The following NRDC variants were observed in gnomAD, a reference collection of about 807,000 sequenced individuals.
NRDC encodes nardilysin convertase.
Under a neutral mutation model 147.1 loss-of-function variants are expected in NRDC, and 54 were observed. The observed-to-expected ratio is 0.37, with a 90% confidence interval of 0.29 to 0.46. The LOEUF is 0.46. Among genes scored for constraint, NRDC ranks in the 20% least tolerant of loss-of-function variants. NRDC has a pLI of 1.00. For missense variants in NRDC, 1,082 were observed against 1,370.6 expected, an observed-to-expected ratio of 0.79 and a Z score of 3.33; for synonymous variants, 440 against 482.1, an observed-to-expected ratio of 0.91 and a Z score of 1.14.
Position 51,789,278 on chromosome 1 carries a change from T to C in NRDC, c.3414A>G (p.Thr1138=). The C allele has an allele frequency of 6.2e-7, 1 of 1,614,158 alleles. No individual in the cohort carries two copies. Among genetic ancestry groups the C allele is most frequent in the Non-Finnish European group, 8.5e-7 (1 of 1,180,000 alleles). The change falls in exon 31 of 31, where the codon ACA becomes ACG. Residue 1138 remains threonine, a synonymous_variant. Coordinates refer to ENST00000352171, the MANE Select transcript of NRDC (RefSeq NM_001101662.2). ...IIPITDIRAF[T]TTLNLLPYHK... is the part of the protein sequence containing the mutation. ...GGTAGGGGAGAAGGTTGAGTGTTGTTGTGAAAGCCCTGATATCAGTAATGG... is the reference window on the plus strand; with the variant it reads ...GGTAGGGGAGAAGGTTGAGTGTTGTCGTGAAAGCCCTGATATCAGTAATGG...
intron 1 of NRDC, among the ~76,000 whole-genome samples, chr1:51,872,319 T>G (rs1161471889): frequency 6.6e-6 from 1 of 152,134 alleles, no homozygotes; most frequent in Non-Finnish European, 1.5e-5. Context: ...AATCTTATTT[T>G]CCTAAAACAC....
rs977034851 is a variant in NRDC, at chr1:51,810,410, A to G, written c.1780-6T>C. ...TTCAAGGCTTCACCAATGACCTAGT[A>G]AAGTGGGAAGAGGGGAAAGAGATAC... On this transcript the variant is annotated splice_region_variant and splice_polypyrimidine_tract_variant and intron_variant, in intron 15 of 30. Coordinates refer to ENST00000352171, the MANE Select transcript of NRDC (RefSeq NM_001101662.2). The G allele has an allele frequency of 3.1e-6, 5 of 1,609,072 alleles. No homozygotes were observed. Among genetic ancestry groups the G allele is most frequent in the Non-Finnish European group, 3.4e-6 (4 of 1,177,974 alleles).
At chr1:51,838,531 G>GA (rs1293614725) in intron 2 of NRDC, among the ~76,000 whole-genome samples, 1 of 151,968 alleles carries the variant, frequency 6.6e-6, no homozygotes, top group Non-Finnish European at 1.5e-5. Context: ...GAAAGATATA[G>GA]AAAAAAAGTA....
intron 2 of NRDC, among the ~76,000 whole-genome samples, chr1:51,837,883 C>T (rs1388695381): frequency 6.6e-6 from 1 of 151,998 alleles, no homozygotes. Flanking sequence ...AAAAAACGAT[C>T]AAATATCTTT....
intron 5 of NRDC, among the ~76,000 whole-genome samples, chr1:51,825,661 A>T (rs543963218): frequency 5.9e-5 from 9 of 152,314 alleles, no homozygotes; most frequent in Non-Finnish European, 1.2e-4. Context: ...CAGCTCTAGG[A>T]TGCTATGTAC....
chr1:51,846,014 TACA>T (rs1219126220), intron 1 of NRDC, among the ~76,000 whole-genome samples: 6 of 152,078 alleles, frequency 3.9e-5, no homozygotes, highest in Middle Eastern at 3.4e-3. Context: ...CATATAAAGT[TACA>T]ACAACAGAAC....
chr1:51,855,238 G>A (rs1391087085), intron 1 of NRDC, among the ~76,000 whole-genome samples: 7 of 151,934 alleles, frequency 4.6e-5, no homozygotes, highest in Admixed American at 2.0e-4. Flanking sequence ...GCAAATCATC[G>A]GGGAGGTCAG....
At chr1:51,867,637 C>A (rs1395206331) in intron 1 of NRDC, among the ~76,000 whole-genome samples, 1 of 151,984 alleles carries the variant, frequency 6.6e-6, no homozygotes, top group Non-Finnish European at 1.5e-5. Context: ...CTGATCAAAG[C>A]ATTTCAAGAA....
intron 19 of NRDC, 99 bp from the exon 20 acceptor site, chr1:51,804,063 G>C: frequency 6.8e-6 from 7 of 1,036,100 alleles, no homozygotes; most frequent in Non-Finnish European, 9.5e-6. Flanking sequence ...TTTTTAGAAA[G>C]TATAAATTCT....
chr1:51,830,899 C>T (rs1416097594), intron 4 of NRDC, among the ~76,000 whole-genome samples: 1 of 152,050 alleles, frequency 6.6e-6, no homozygotes, highest in African/African-American at 2.4e-5. Context: ...TTTTGCTAAC[C>T]TATTAAAAAC....
In NRDC at chr1:51,790,652, G is replaced by A; in HGVS notation, c.3052-3C>T. On this transcript the variant is annotated splice_polypyrimidine_tract_variant and splice_region_variant and intron_variant, in intron 28 of 30. Transcript: ENST00000352171. ...TTCAGCTTGATGAGAGCTGTGACCT[G>A]TTCCCACCAAAAAGAAAGATGCTCA... is the stretch of plus-strand genomic sequence containing the variant. The A allele has an allele frequency of 6.3e-7, 1 of 1,599,032 alleles. No individual in the cohort carries two copies. Among genetic ancestry groups the A allele is most frequent in the Non-Finnish European group, 8.6e-7 (1 of 1,166,368 alleles).
chr1:51,835,467 G>GTTTTTTTTT (rs951683379), intron 3 of NRDC, among the ~76,000 whole-genome samples: 6 of 114,610 alleles, frequency 5.2e-5, no homozygotes, highest in African/African-American at 1.4e-4. Context: ...TTTGTTTCTT[G>GTTTTTTTTT]TTTTTTTTTT....
chr1:51,805,590 A>T (rs1322841536), intron 18 of NRDC, 29 bp from the exon 19 acceptor site: 2 of 1,427,876 alleles, frequency 1.4e-6, no homozygotes. Flanking sequence ...TAGATAAAAA[A>T]GGTTAGGGGC....
At chr1:51,793,038 T>C (rs2149185126) in intron 24 of NRDC, among the ~76,000 whole-genome samples, 1 of 152,280 alleles carries the variant, frequency 6.6e-6, no homozygotes, top group East Asian at 1.9e-4. Flanking sequence ...TCACACAGAC[T>C]CATTTGCTTC....
intron 5 of NRDC, among the ~76,000 whole-genome samples, chr1:51,826,873 C>T (rs1680469870): frequency 6.6e-6 from 1 of 152,022 alleles, no homozygotes; most frequent in African/African-American, 2.4e-5. Flanking sequence ...TGGTGTCAAC[C>T]CACTCTAGAA....
At chr1:51,876,960 G>A (rs970800391) in intron 1 of NRDC, among the ~76,000 whole-genome samples, 5 of 151,856 alleles carry the variant, frequency 3.3e-5, no homozygotes, top group Non-Finnish European at 5.9e-5. Flanking sequence ...GAGAAGAGGC[G>A]GGCGGATCAC....
intron 1 of NRDC, among the ~76,000 whole-genome samples, chr1:51,868,242 T>C (rs1682913739): frequency 6.6e-6 from 1 of 151,960 alleles, no homozygotes; most frequent in Non-Finnish European, 1.5e-5. Flanking sequence ...AAAAAAACAT[T>C]GCTAGAGGGC....
At chr1:51,792,143 A>G in intron 25 of NRDC, 45 bp from the exon 26 acceptor site, 3 of 1,609,978 alleles carry the variant, frequency 1.9e-6, no homozygotes, top group Non-Finnish European at 2.5e-6. Flanking sequence ...CTCCCAGCAG[A>G]GAAACCTCCA....
At chr1:51,810,493 C>A in intron 15 of NRDC, 89 bp from the exon 16 acceptor site, 1 of 1,108,108 alleles carries the variant, frequency 9.0e-7, no homozygotes, top group Non-Finnish European at 1.3e-6. Context: ...TTGTTAGGCA[C>A]CTCCAAGATC....
Sources: gnomAD v4.1 joint callset for allele counts (sites outside exome capture counted in the v4.1 genomes callset) on GRCh38, gnomAD v4.1.1 for gene constraint, MANE v1.5 for transcripts, NCBI Gene and HGNC (gene_info 2026-07-23, HGNC 2026-07-21) for gene names.